PDE6C: variants seen among roughly 807,000 people sequenced by gnomAD.
The protein encoded by PDE6C is phosphodiesterase 6C.
A neutral mutation model predicts 113.1 loss-of-function variants in PDE6C; 75 were observed. The observed-to-expected ratio is 0.66, with a 90% CI of 0.55 to 0.80. The LOEUF is 0.80. PDE6C is among the 30% of genes least tolerant of loss of function. PDE6C has a pLI of 0.00. For missense variants in PDE6C, 912 were observed against 1,038.6 expected (o/e 0.88, Z 1.67); for synonymous variants, 375 against 363.7 (o/e 1.03, Z -0.35).
chr10:93,663,279 C>T, intron 21 of PDE6C, 101 bp downstream of exon 21: 1 of 1,174,992 alleles, frequency 8.5e-7, no homozygotes, highest in East Asian at 2.5e-5. Context: ...AAACAGAAAA[C>T]CTGCTTTACT....
chr10:93,637,605 C>T lies in PDE6C; in HGVS notation c.1482+542C>T, dbSNP rs535903486. On this transcript the variant is annotated intron_variant, in intron 11 of 21. Coordinates refer to ENST00000371447, the MANE Select transcript of PDE6C (RefSeq NM_006204.4). ...AACTGTTAAACTCGCTCAATAAGTTCGTAATTTCAGAGATTTTTTTCAGTT... is the reference window on the plus strand; with the variant it reads ...AACTGTTAAACTCGCTCAATAAGTTTGTAATTTCAGAGATTTTTTTCAGTT... Among the ~76,000 whole-genome samples, 111 of 152,272 alleles carry T rather than the reference C, an allele frequency of 7.3e-4. 1 individual carries two copies. Among genetic ancestry groups the T allele is most frequent in the African/African-American group, 2.5e-3 (104 of 41,564 alleles).
intron 9 of PDE6C, 124 bp from the exon 10 acceptor site, chr10:93,635,373 T>A: frequency 1.3e-6 from 1 of 748,594 alleles, no homozygotes; most frequent in Non-Finnish European, 2.3e-6. Flanking sequence ...TTTTCTTAAA[T>A]TAAAAGAAGG....
At chr10:93,643,772 T>C (rs933332784) in intron 14 of PDE6C, among the ~76,000 whole-genome samples, 1 of 151,810 alleles carries the variant, frequency 6.6e-6, no homozygotes, top group Non-Finnish European at 1.5e-5. Context: ...TATTGCAGCA[T>C]ATATTTATTA....
intron 16 of PDE6C, among the ~76,000 whole-genome samples, chr10:93,658,169 C>CAAAAAAAAAAAAAAA (rs71031527): frequency 1.0e-4 from 6 of 59,888 alleles, no homozygotes; most frequent in East Asian, 4.2e-4. Context: ...GATTCTGTCT[C>CAAAAAAAAAAAAAAA]AAAAAAAAAA....
rs546127267 is a variant in PDE6C at position 93,635,370 on chromosome 10, A to G, written c.1270-127A>G. 7.5e-5 allele frequency: 55 copies of G among 733,064 alleles called. No individual in the cohort carries two copies. The South Asian group carries it at 8.6e-4, about 11-fold the overall frequency. 45.4% of individuals were successfully genotyped at this position (733,064 alleles called of 1,614,324 possible). On this transcript the variant is annotated intron_variant, in intron 9 of 21. Coordinates refer to ENST00000371447, the MANE Select transcript of PDE6C (RefSeq NM_006204.4). ...AGCTGATTATTAGTATGTTTTTCTT[A>G]AATTAAAAGAAGGAATGGGGTGGTT...
Position 93,665,792 on chromosome 10 carries a change from C to A in PDE6C, c.*374C>A. 1 of 265,958 alleles carries A rather than the reference C, an allele frequency of 3.8e-6. No homozygotes were observed. Among genetic ancestry groups the A allele is most frequent in the Non-Finnish European group, 7.3e-6 (1 of 137,304 alleles). The allele number at this position is 265,958 out of a possible 1,614,324, so 16.5% of individuals were successfully genotyped here. On this transcript the variant is annotated 3_prime_UTR_variant, in exon 22 of 22. Coordinates refer to ENST00000371447, the MANE Select transcript of PDE6C (RefSeq NM_006204.4). Reference sequence around the variant, plus strand: ...ATGTATTTTCTCAAAGTCCTGGGGGCTGGAAGTTCAAGATCAAGGAGTTGG... The same window carrying A: ...ATGTATTTTCTCAAAGTCCTGGGGGATGGAAGTTCAAGATCAAGGAGTTGG...
intron 3 of PDE6C, among the ~76,000 whole-genome samples, 187 bp downstream of exon 3, chr10:93,621,167 C>T (rs188324521): frequency 1.3e-5 from 2 of 152,282 alleles, no homozygotes; most frequent in Non-Finnish European, 2.9e-5. Flanking sequence ...CTCCCCTGCA[C>T]CCCAAGCTCT....
chr10:93,629,795 G>C lies in PDE6C; in HGVS notation c.1119+490G>C, dbSNP rs1478889436. 9.2e-5 allele frequency among the ~76,000 whole-genome samples: 14 copies of C among 152,178 alleles called. 1 individual carries two copies. The highest frequency in any genetic ancestry group is 9.2e-4 in the Admixed American group (14 of 15,280). On this transcript the variant is annotated intron_variant, in intron 8 of 21. Coordinates refer to ENST00000371447, the MANE Select transcript of PDE6C (RefSeq NM_006204.4). Reference sequence around the variant, plus strand: ...TGCTGATGATCTGACAGGAGGTGGAGCTCAGACGGTAATGTGAGCAATGGG... The same window carrying C: ...TGCTGATGATCTGACAGGAGGTGGACCTCAGACGGTAATGTGAGCAATGGG...
At chr10:93,630,216 C>T (rs568404561) in intron 8 of PDE6C, among the ~76,000 whole-genome samples, 4 of 152,232 alleles carry the variant, frequency 2.6e-5, no homozygotes, top group South Asian at 2.1e-4. Context: ...CTCCACTCAC[C>T]GCCAGATGCT....
intron 21 of PDE6C, among the ~76,000 whole-genome samples, chr10:93,664,846 T>C (rs1339170855): frequency 1.3e-5 from 2 of 152,170 alleles, no homozygotes; most frequent in African/African-American, 2.4e-5. Flanking sequence ...CAACCATTGA[T>C]CAGATTCTGT....
intron 16 of PDE6C, among the ~76,000 whole-genome samples, chr10:93,657,879 C>T (rs924316990): frequency 6.6e-6 from 1 of 152,226 alleles, no homozygotes; most frequent in South Asian, 2.1e-4. Flanking sequence ...ACACAGTGTG[C>T]AAGAGTTCCA....
At chr10:93,641,653 T>G (rs1221313770) in intron 14 of PDE6C, among the ~76,000 whole-genome samples, 1 of 151,778 alleles carries the variant, frequency 6.6e-6, no homozygotes, top group Admixed American at 6.6e-5. Flanking sequence ...CGAAAAAAAT[T>G]AAAAATAAAA....
At chr10:93,659,038 G>A (rs1309027977) in intron 17 of PDE6C, 30 bp downstream of exon 17, 1 of 1,573,150 alleles carries the variant, frequency 6.4e-7, no homozygotes, top group East Asian at 2.3e-5. Context: ...TTTCTCTCTT[G>A]TTTTTTGTAA....
At chr10:93,623,794 G>T (rs2058459705) in intron 4 of PDE6C, among the ~76,000 whole-genome samples, 1 of 152,026 alleles carries the variant, frequency 6.6e-6, no homozygotes, top group South Asian at 2.1e-4. Context: ...TCTCTATTTT[G>T]TTTCATTGAT....
chr10:93,647,320 A>G (rs2058589716), intron 15 of PDE6C, among the ~76,000 whole-genome samples: 4 of 152,148 alleles, frequency 2.6e-5, no homozygotes, highest in Admixed American at 2.6e-4. Flanking sequence ...ATAATCTTTT[A>G]TTAAAAGCTC....
chr10:93,653,355 T>C (rs2058617979), intron 15 of PDE6C, among the ~76,000 whole-genome samples: 1 of 152,082 alleles, frequency 6.6e-6, no homozygotes, highest in African/African-American at 2.4e-5. Flanking sequence ...AAGAAATTGA[T>C]TCGGGGTCCA....
At chr10:93,617,550 G>C (rs1369391270) in intron 1 of PDE6C, among the ~76,000 whole-genome samples, 1 of 152,208 alleles carries the variant, frequency 6.6e-6, no homozygotes, top group East Asian at 1.9e-4. Flanking sequence ...GAGGTGGGCA[G>C]ATCACCTGAG....
rs552373507 is a variant in PDE6C, at chr10:93,617,307, C to T, written c.481-3325C>T. ...CCCCTCCCCCATCCCCATCCTGTAACTTAATGGCTGGTTTATCTAGGGCTT... is the reference window on the plus strand; with the variant it reads ...CCCCTCCCCCATCCCCATCCTGTAATTTAATGGCTGGTTTATCTAGGGCTT... On this transcript the variant is annotated intron_variant, in intron 1 of 21. Coordinates refer to ENST00000371447, the MANE Select transcript of PDE6C (RefSeq NM_006204.4). Among the ~76,000 whole-genome samples the T allele has an allele frequency of 2.1e-3, 327 of 152,296 alleles. 1 individual carries two copies. The highest frequency in any genetic ancestry group is 7.7e-3 in the African/African-American group (319 of 41,572).
In PDE6C at chr10:93,629,267, A is replaced by T. The variant is rs2134601475; in HGVS notation, c.1081A>T (p.Met361Leu). 1 of 1,611,472 alleles carries T rather than the reference A, an allele frequency of 6.2e-7. No individual in the cohort carries two copies. The highest frequency in any genetic ancestry group is 1.1e-5 in the South Asian group (1 of 91,036). ...YVAENGFICNMMNAPADEYFT... is the reference protein window; with the variant it reads ...YVAENGFICNLMNAPADEYFT... ...TCCTCTTGCCTTCCAGATCTGTAAC[A>T]TGATGAATGCCCCTGCGGATGAATA... Residue 361 changes from methionine (M) to leucine (L), a missense_variant, in exon 8 of 22, where the codon ATG becomes TTG. By Grantham distance (15) the Met-to-Leu change is conservative. Transcript: ENST00000371447.
Sources: allele counts gnomAD v4.1 joint callset (sites outside exome capture counted in the v4.1 genomes callset), GRCh38; gene constraint gnomAD v4.1.1; transcripts MANE v1.5; gene names NCBI Gene and HGNC (gene_info 2026-07-23, HGNC 2026-07-21).